PADI4: variants seen among roughly 807,000 people sequenced by gnomAD.
PADI4 encodes the protein protein-arginine deiminase type-4.
In PADI4, 62 loss-of-function variants were observed where a neutral mutation model predicts 75.0. The observed-to-expected ratio is 0.83, with a 90% CI of 0.67 to 1.02. The LOEUF is 1.02. Ranked by LOEUF, PADI4 falls within the 50% of genes least tolerant of loss-of-function variation. The pLI is 0.00. For synonymous variants in PADI4, 361 were observed against 348.1 expected, an observed-to-expected ratio of 1.04 and a Z score of -0.41; for missense variants, 845 against 850.5, an observed-to-expected ratio of 0.99 and a Z score of 0.08.
chr1:17,351,427 CA>C lies in PADI4; in HGVS notation c.1156-3092del, dbSNP rs557108589. 2.3e-3 allele frequency among the ~76,000 whole-genome samples: 232 copies of C among 101,352 alleles called. 1 individual carries two copies. Among genetic ancestry groups the C allele is most frequent in the African/African-American group, 2.8e-3 (76 of 27,274 alleles). The allele number at this position is 101,352 out of a possible 152,430, so 66.5% of individuals were successfully genotyped here. A position where few individuals can be genotyped will look rare whatever the true frequency, so the allele number is the denominator to read the frequency against. Reference sequence around the variant, plus strand: ...GCACCATAGTCAAACCCTGTCTCTACAAAAAAAAAAAAAATTAAAAATAAAA... The same window carrying C: ...GCACCATAGTCAAACCCTGTCTCTACAAAAAAAAAAAAATTAAAAATAAAA... On this transcript the variant is annotated intron_variant, in intron 10 of 15. Transcript: ENST00000375448.
intron 15 of PADI4, among the ~76,000 whole-genome samples, chr1:17,362,712 G>A (rs373881206): frequency 1.3e-5 from 2 of 152,212 alleles, no homozygotes; most frequent in East Asian, 1.9e-4. Context: ...ATAAATAAGA[G>A]TATGGAACTT....
intron 1 of PADI4, among the ~76,000 whole-genome samples, chr1:17,328,830 A>G (rs1367462470): frequency 6.6e-6 from 1 of 151,956 alleles, no homozygotes; most frequent in African/African-American, 2.4e-5. Flanking sequence ...ATTTACCAAA[A>G]TATTTACCAT....
chr1:17,313,749 AG>A (rs2073886588), intron 1 of PADI4, among the ~76,000 whole-genome samples: 1 of 152,016 alleles, frequency 6.6e-6, no homozygotes, highest in Admixed American at 6.6e-5. Context: ...CGGATGCTGG[AG>A]TTGGAGGAAT....
At chr1:17,334,085 G>A in intron 3 of PADI4, 76 bp downstream of exon 3, 1 of 930,730 alleles carries the variant, frequency 1.1e-6, no homozygotes, top group Non-Finnish European at 1.8e-6. Flanking sequence ...TGTCTCTGTA[G>A]GAGAAACTAC....
intron 9 of PADI4, among the ~76,000 whole-genome samples, chr1:17,347,274 A>C (rs947794433): frequency 1.3e-5 from 2 of 152,156 alleles, no homozygotes; most frequent in Non-Finnish European, 2.9e-5. Context: ...GACCTGTGTG[A>C]AATTGCTGAT....
intron 15 of PADI4, among the ~76,000 whole-genome samples, chr1:17,361,235 G>A (rs1461415561): frequency 6.6e-6 from 1 of 152,198 alleles, no homozygotes; most frequent in African/African-American, 2.4e-5. Flanking sequence ...AAAAGATTGT[G>A]TGTAGAATAA....
At chr1:17,331,217 C>G (rs2074206504) in intron 2 of PADI4, 68 bp downstream of exon 2, 1 of 1,354,850 alleles carries the variant, frequency 7.4e-7, no homozygotes, top group Admixed American at 2.2e-5. Context: ...ACACTCTGTC[C>G]TGCCGTGATC....
At chr1:17,358,758 G>GT (rs2074802431) in intron 13 of PADI4, 80 bp from the exon 14 acceptor site, 1 of 872,044 alleles carries the variant, frequency 1.1e-6, no homozygotes, top group Non-Finnish European at 1.9e-6. Context: ...GGAACACTGA[G>GT]TCCCCCCCCG....
chr1:17,357,401 T>TCA (rs2074778629), intron 13 of PADI4, among the ~76,000 whole-genome samples: 1 of 151,912 alleles, frequency 6.6e-6, no homozygotes, highest in African/African-American at 2.4e-5. Context: ...ACTCCTGACC[T>TCA]GGTGATCCAC....
rs1157500061 is a variant in PADI4 at position 17,346,035 on chromosome 1, G to T, written c.943G>T (p.Glu315Ter). 3.7e-6 allele frequency: 6 copies of T among 1,606,146 alleles called. No homozygotes were observed. Among genetic ancestry groups the T allele is most frequent in the Non-Finnish European group, 5.1e-6 (6 of 1,172,924 alleles). The stretch of plus-strand genomic sequence containing the variant: ...CTTTTCTGCTCTCTCTAGTATTTTT[G>T]AAAATGAGGACTTCCTGAAGTCAGT... The part of the protein sequence containing the change: ...PQEVYACSIF[E>*]NEDFLKSVTT... Residue 315 changes from glutamate to a stop codon, truncating the protein, a stop_gained, in exon 9 of 16, where the codon GAA becomes TAA. Coordinates refer to ENST00000375448, the MANE Select transcript of PADI4 (RefSeq NM_012387.3). LOFTEE classifies it high-confidence loss of function. The surrounding 1 kb of genome is among the most constrained non-coding windows in gnomAD (Gnocchi z 4.3).
chr1:17,357,491 C>T (rs965208833), intron 13 of PADI4, among the ~76,000 whole-genome samples: 1 of 152,078 alleles, frequency 6.6e-6, no homozygotes, highest in African/African-American at 2.4e-5. Context: ...TTCTTATTGA[C>T]AGCAACTAAA....
At position 17,356,166 on chromosome 1, in the gene PADI4, T is replaced by G; in HGVS notation, c.1455+39T>G. 6.2e-7 allele frequency: 1 copy of G among 1,604,598 alleles called. No individual in the cohort carries two copies. Reference sequence around the variant, plus strand: ...GGCTGCCTCAGGAAGCCATGCCTCCTTCCTGGGTAGACCCTCTGCCTGGGG... The same window carrying G: ...GGCTGCCTCAGGAAGCCATGCCTCCGTCCTGGGTAGACCCTCTGCCTGGGG... On this transcript the variant is annotated intron_variant, in intron 12 of 15. Transcript: ENST00000375448. The surrounding 1 kb of genome is among the most constrained non-coding windows in gnomAD (Gnocchi z 4.1).
rs764148044 is a variant in PADI4, at chr1:17,331,101, G to C, written c.225G>C (p.Glu75Asp). 1.4e-5 allele frequency: 23 copies of C among 1,612,264 alleles called. No homozygotes were observed. Among genetic ancestry groups the C allele is most frequent in the Non-Finnish European group, 1.9e-5 (22 of 1,179,270 alleles). ...SSTWPLDPGV[E>D]VTLTMKVASG... is the part of the protein sequence containing the mutation. ...CATGGCCCCTGGACCCTGGGGTAGA[G>C]GTGACCCTGACGATGAAAGTGGCCA... The change falls in exon 2 of 16, where the codon GAG (glutamate) becomes GAC (aspartate). Residue 75 changes from glutamate (E) to aspartate (D), a missense_variant. Coordinates refer to ENST00000375448, the MANE Select transcript of PADI4 (RefSeq NM_012387.3).
In PADI4 at chr1:17,356,204, T is replaced by A. The variant is rs2074757418; in HGVS notation, c.1455+77T>A. 2 of 1,503,356 alleles carry A rather than the reference T, an allele frequency of 1.3e-6. No homozygotes were observed. The highest frequency in any genetic ancestry group is 1.4e-5 in the African/African-American group (1 of 72,234). The allele number at this position is 1,503,356 out of a possible 1,614,324, so 93.1% of individuals were successfully genotyped here. On this transcript the variant is annotated intron_variant, in intron 12 of 15. Coordinates refer to ENST00000375448, the MANE Select transcript of PADI4 (RefSeq NM_012387.3). This position sits in a 1 kb window ranked among gnomAD's most constrained non-coding sequence, Gnocchi z 4.1. ...CCTCTGCCTGGGGTGGGAGCAACTT[T>A]ACTTGTCTATTTCTCCTTCACCCTT...
At chr1:17,319,805 A>C (rs922325663) in intron 1 of PADI4, among the ~76,000 whole-genome samples, 1 of 152,160 alleles carries the variant, frequency 6.6e-6, no homozygotes, top group African/African-American at 2.4e-5. Context: ...GCCTCATTTG[A>C]ACATGGTTTG....
chr1:17,323,648 A>G (rs1402942086), intron 1 of PADI4, among the ~76,000 whole-genome samples: 1 of 152,298 alleles, frequency 6.6e-6, no homozygotes, highest in African/African-American at 2.4e-5. Context: ...AGCCTGCATG[A>G]CATGGCAAAA....
intron 1 of PADI4, among the ~76,000 whole-genome samples, chr1:17,318,048 C>T (rs1349381924): frequency 1.3e-5 from 2 of 152,160 alleles, no homozygotes; most frequent in Admixed American, 6.5e-5. Flanking sequence ...CACTTCTGGG[C>T]CCCACTCCTA....
At chr1:17,311,198 G>C (rs1237225194) in intron 1 of PADI4, among the ~76,000 whole-genome samples, 1 of 152,060 alleles carries the variant, frequency 6.6e-6, no homozygotes, top group South Asian at 2.1e-4. Context: ...GGGAGGTGGA[G>C]GTTGCAGTGA....
At chr1:17,361,526 G>T (rs150965900) in intron 15 of PADI4, among the ~76,000 whole-genome samples, 1 of 152,224 alleles carries the variant, frequency 6.6e-6, no homozygotes, top group Admixed American at 6.5e-5. Context: ...GTGTCTAGGC[G>T]GTGGCCCCCT....
Sources: gnomAD v4.1 joint callset for allele counts (sites outside exome capture counted in the v4.1 genomes callset) on GRCh38, gnomAD v4.1.1 for gene constraint, Gnocchi (gnomAD v3.1) non-coding constraint, MANE v1.5 for transcripts, NCBI Gene and HGNC (gene_info 2026-07-23, HGNC 2026-07-21) for gene names.